Variants in HDHD5 observed in about 807,000 individuals in gnomAD.
HDHD5 encodes the protein haloacid dehalogenase like hydrolase domain containing 5.
HDHD5 carries 34 observed loss-of-function variants against 35.5 expected under a neutral mutation model. The observed-to-expected ratio is 0.96, with a 90% CI of 0.73 to 1.28. HDHD5 has a LOEUF of 1.28. Ranked by LOEUF, HDHD5 falls within the 50% of genes most tolerant of loss-of-function variation. The probability of loss-of-function intolerance (pLI) is 0.00; values close to 1 mark genes in which losing one functional copy is unlikely to be tolerated. For synonymous variants in HDHD5, 248 were observed against 240.6 expected (o/e 1.03, Z -0.29); for missense variants, 589 against 560.2 (o/e 1.05, Z -0.52).
At chr22:17,158,779 T>G in intron 1 of HDHD5, 1 of 165,352 alleles carries the variant, frequency 6.0e-6, no homozygotes, top group Non-Finnish European at 1.3e-5. Context: ...CACATGCAGA[T>G]GAAAATCACG....
intron 3 of HDHD5, 122 bp from the exon 4 acceptor site, chr22:17,145,239 A>G (rs2061648608): frequency 6.0e-6 from 9 of 1,491,302 alleles, no homozygotes; most frequent in Middle Eastern, 1.7e-4. Context: ...GAGGGCACCA[A>G]GCAGAGCCCA....
intron 1 of HDHD5, among the ~76,000 whole-genome samples, chr22:17,157,085 T>TACATACACACAC (rs1555881521): frequency 7.0e-6 from 1 of 143,682 alleles, no homozygotes; most frequent in South Asian, 2.2e-4. Flanking sequence ...CTCACACACA[T>TACATACACACAC]ACACACACAC....
intron 3 of HDHD5, 97 bp from the exon 4 acceptor site, chr22:17,145,214 G>C: frequency 6.4e-7 from 1 of 1,550,704 alleles, no homozygotes; most frequent in Non-Finnish European, 8.7e-7. Flanking sequence ...ACCCACTCCT[G>C]ATCAAGCCAG....
upstream of HDHD5, among the ~76,000 whole-genome samples, chr22:17,161,543 G>A (rs1426929638): frequency 5.3e-5 from 8 of 150,452 alleles, no homozygotes; most frequent in African/African-American, 2.0e-4. Context: ...CAGCCTGAGC[G>A]ACAGAGCGGA....
At chr22:17,141,444 G>T in intron 5 of HDHD5, 1 of 1,358,210 alleles carries the variant, frequency 7.4e-7, no homozygotes, top group Non-Finnish European at 9.4e-7. Flanking sequence ...GATTCCTGAG[G>T]GCTCCCATTC....
At position 17,159,231 on chromosome 22, in the gene HDHD5, C is replaced by G. The variant is rs2061840819; in HGVS notation, c.21G>C (p.Val7=). 1 of 1,214,686 alleles carries G rather than the reference C, an allele frequency of 8.2e-7. No individual in the cohort carries two copies. Among genetic ancestry groups the G allele is most frequent in the Non-Finnish European group, 1.0e-6 (1 of 975,966 alleles). 75.2% of individuals were successfully genotyped at this position (1,214,686 alleles called of 1,614,324 possible). A position where few individuals can be genotyped will look rare whatever the true frequency, so the allele number is the denominator to read the frequency against. Residue 7 remains valine, a synonymous_variant, in exon 1 of 8, where the codon GTG becomes GTC. Transcript: ENST00000336737. MAAWGC[V]AALGAARGLC... ...GCCCACGCGCCGCGCCGAGCGCAGCCACACAGCCCCACGCAGCCATCCGGC... is the reference window on the plus strand; with the variant it reads ...GCCCACGCGCCGCGCCGAGCGCAGCGACACAGCCCCACGCAGCCATCCGGC...
rs1378160853 is a variant in HDHD5 at position 17,138,371 on chromosome 22, C to G, written c.936-14G>C. 1.9e-6 allele frequency: 3 copies of G among 1,597,762 alleles called. No homozygotes were observed. Among genetic ancestry groups the G allele is most frequent in the African/African-American group, 2.7e-5 (2 of 74,030 alleles). On this transcript the variant is annotated splice_polypyrimidine_tract_variant and intron_variant, in intron 7 of 7. Transcript: ENST00000336737. The stretch of plus-strand genomic sequence containing the variant: ...ATAGGGTTATCACTGGCAGGGGCAG[C>G]CACACCGGAAAAGGAAAAAGGAGAA...
At chr22:17,148,909 G>A (rs530968607) in intron 2 of HDHD5, among the ~76,000 whole-genome samples, 27 of 152,282 alleles carry the variant, frequency 1.8e-4, no homozygotes, top group African/African-American at 5.5e-4. Context: ...GCAGAAACTG[G>A]TCTTTTACTT....
At chr22:17,157,354 C>T (rs1443742841) in intron 1 of HDHD5, among the ~76,000 whole-genome samples, 1 of 151,436 alleles carries the variant, frequency 6.6e-6, no homozygotes, top group East Asian at 2.0e-4. Flanking sequence ...CGCAACCTCC[C>T]TCCCAGGTTC....
rs879584705 is a variant in HDHD5, at chr22:17,143,124, G to A, written c.545C>T (p.Pro182Leu). The A allele has an allele frequency of 6.8e-6, 11 of 1,609,136 alleles. No individual in the cohort carries two copies. In the African/African-American group the frequency reaches 9.4e-5, roughly 14 times the overall value. ...TTCAATGCGGGGGAAGTCATTCCTC[G>A]GGAGGGGCTGCAGAGAGACAAAGGA... Reference protein sequence around the residue: ...LERRLKTTPLPRNDFPRIEGV... With the variant: ...LERRLKTTPLLRNDFPRIEGV... Residue 182 changes from proline (P) to leucine (L), a missense_variant, in exon 5 of 8, where the codon CCG becomes CTG. Coordinates refer to ENST00000336737, the MANE Select transcript of HDHD5 (RefSeq NM_033070.3).
At chr22:17,160,337 A>T (rs1186963745), upstream of HDHD5, among the ~76,000 whole-genome samples, 1 of 151,166 alleles carries the variant, frequency 6.6e-6, no homozygotes, top group Non-Finnish European at 1.5e-5. Context: ...ACATAGGGAG[A>T]CCCCTTCTCT....
intron 4 of HDHD5, among the ~76,000 whole-genome samples, chr22:17,144,776 C>T (rs2061641693): frequency 1.3e-5 from 2 of 152,014 alleles, no homozygotes; most frequent in Admixed American, 1.3e-4. Flanking sequence ...GTCTTGAACT[C>T]CTGGGCTCAA....
At position 17,157,172 on chromosome 22, in the gene HDHD5, A is replaced by C. The variant is rs143072703; in HGVS notation, c.126+1954T>G. Among the ~76,000 whole-genome samples the C allele has an allele frequency of 2.0e-4, 31 of 152,192 alleles. 1 individual carries two copies. In the East Asian group the frequency reaches 5.6e-3, roughly 27 times the overall value. Reference sequence around the variant, plus strand: ...GAAGATATATTTAGTACAGCTGTACAATGTGTTGTGTTTTAAACTAAGTGC... The same window carrying C: ...GAAGATATATTTAGTACAGCTGTACCATGTGTTGTGTTTTAAACTAAGTGC... On this transcript the variant is annotated intron_variant, in intron 1 of 7. Coordinates refer to ENST00000336737, the MANE Select transcript of HDHD5 (RefSeq NM_033070.3).
In HDHD5 at chr22:17,143,103, A is replaced by G. The variant is rs776031098; in HGVS notation, c.566T>C (p.Ile189Thr). Residue 189 changes from isoleucine to threonine, a missense_variant, in exon 5 of 8, where the codon ATT (isoleucine) becomes ACT (threonine). Ile to Thr is a moderately conservative substitution (Grantham distance 89). Coordinates refer to ENST00000336737, the MANE Select transcript of HDHD5 (RefSeq NM_033070.3). ...TPLPRNDFPR[I>T]EGVLLLGEPV... ...TCAAAGAGGACCTCTCTTACCTTCA[A>G]TGCGGGGGAAGTCATTCCTCGGGAG... 2 of 1,610,472 alleles carry G rather than the reference A, an allele frequency of 1.2e-6. No homozygotes were observed. Among genetic ancestry groups the G allele is most frequent in the Non-Finnish European group, 8.5e-7 (1 of 1,178,570 alleles).
intron 5 of HDHD5, chr22:17,141,577 G>C: frequency 9.0e-7 from 1 of 1,111,774 alleles, no homozygotes; most frequent in Non-Finnish European, 1.1e-6. Flanking sequence ...ACTTAGCAAG[G>C]GCTCCTGTTC....
chr22:17,165,234 C>A (rs2061884541), exon 1 of HDHD5: 2 of 777,558 alleles, frequency 2.6e-6, no homozygotes, highest in African/African-American at 1.7e-5. Context: ...AAGAAAGAAC[C>A]AAGCATACAT....
At chr22:17,146,194 C>G (rs759441853) in intron 3 of HDHD5, among the ~76,000 whole-genome samples, 2 of 152,094 alleles carry the variant, frequency 1.3e-5, no homozygotes, top group Non-Finnish European at 2.9e-5. Context: ...TCCTACTTCC[C>G]CTGCTTAGGA....
intron 4 of HDHD5, among the ~76,000 whole-genome samples, chr22:17,144,532 G>A (rs1224575197): frequency 6.6e-6 from 1 of 150,492 alleles, no homozygotes; most frequent in Non-Finnish European, 1.5e-5. Context: ...TCCTGCCTCT[G>A]CCTCCCGAGT....
intron 1 of HDHD5, among the ~76,000 whole-genome samples, chr22:17,157,864 G>A (rs2061817147): frequency 6.6e-6 from 1 of 152,190 alleles, no homozygotes. Flanking sequence ...CCAGCTGTGT[G>A]CCCTTGGGTA....
Sources: gnomAD v4.1 joint callset for allele counts (sites outside exome capture counted in the v4.1 genomes callset) on GRCh38, gnomAD v4.1.1 for gene constraint, MANE v1.5 for transcripts, NCBI Gene and HGNC (gene_info 2026-07-23, HGNC 2026-07-21) for gene names.